Variants in PRAC2 observed in about 807,000 individuals in gnomAD.
PRAC2 encodes the protein protein PRAC2.
For missense variants in PRAC2, 92 were observed against 114.5 expected, an observed-to-expected ratio of 0.80 and a Z score of 0.90; for synonymous variants, 43 against 49.5, an observed-to-expected ratio of 0.87 and a Z score of 0.55.
upstream of PRAC2, among the ~76,000 whole-genome samples, chr17:48,720,859 G>A (rs1232566329): frequency 6.6e-6 from 1 of 152,200 alleles, no homozygotes; most frequent in Non-Finnish European, 1.5e-5. Context: ...TGTCTGAAGG[G>A]CCTTGCAGGG....
chr17:48,722,284 G>C, upstream of PRAC2: 2 of 1,570,432 alleles, frequency 1.3e-6, no homozygotes, highest in South Asian at 1.1e-5. Flanking sequence ...TGAGCGATCC[G>C]TCGATAACGC....
chr17:48,723,939 T>C (rs901128538), intron 1 of PRAC2, among the ~76,000 whole-genome samples: 2 of 152,194 alleles, frequency 1.3e-5, no homozygotes, highest in Non-Finnish European at 2.9e-5. Flanking sequence ...AGTTTGGCTC[T>C]GAGGGAGGGG....
intron 1 of PRAC2, 39 bp from the exon 2 acceptor site, chr17:48,724,289 G>A (rs2038179071): frequency 1.6e-5 from 18 of 1,127,160 alleles, no homozygotes; most frequent in Non-Finnish European, 1.9e-5. Context: ...CCCAATGAAA[G>A]CGTTTAATAC....
At chr17:48,718,823 C>A (rs1323439973), upstream of PRAC2, among the ~76,000 whole-genome samples, 1 of 152,164 alleles carries the variant, frequency 6.6e-6, no homozygotes, top group Non-Finnish European at 1.5e-5. Context: ...AGGTAAAAGG[C>A]AAATTGGTGG....
intron 1 of PRAC2, 129 bp downstream of exon 1, chr17:48,723,442 C>G (rs1045656007): frequency 1.1e-5 from 4 of 360,404 alleles, no homozygotes; most frequent in Non-Finnish European, 2.0e-5. Context: ...TTAGCACCTT[C>G]AATATAACTT....
At chr17:48,720,167 G>A (rs920110903), upstream of PRAC2, among the ~76,000 whole-genome samples, 1 of 152,222 alleles carries the variant, frequency 6.6e-6, no homozygotes, top group Admixed American at 6.5e-5. Flanking sequence ...GGAGTTTGGC[G>A]AGTAGTGCGG....
At chr17:48,723,356 T>G in intron 1 of PRAC2, 43 bp downstream of exon 1, 2 of 244,764 alleles carry the variant, frequency 8.2e-6, no homozygotes, top group Non-Finnish European at 7.7e-6. Context: ...AGCTCGGGGA[T>G]TTCTATTAGA....
At chr17:48,723,722 C>T in intron 1 of PRAC2, 2 of 1,231,752 alleles carry the variant, frequency 1.6e-6, no homozygotes, top group South Asian at 8.2e-5. Flanking sequence ...CTCAGGTTCG[C>T]GCTCTGCGTT....
chr17:48,721,781 C>A, upstream of PRAC2: 1 of 1,514,652 alleles, frequency 6.6e-7, no homozygotes, highest in South Asian at 1.3e-5. Context: ...ATTGCCCAGG[C>A]TGGTCTGGAA....
chr17:48,720,868 G>A (rs991429820), upstream of PRAC2, among the ~76,000 whole-genome samples: 2 of 152,180 alleles, frequency 1.3e-5, no homozygotes, highest in Non-Finnish European at 2.9e-5. Flanking sequence ...GGCCTTGCAG[G>A]GAGAGGTATG....
upstream of PRAC2, among the ~76,000 whole-genome samples, chr17:48,719,834 G>A (rs922944195): frequency 3.3e-5 from 5 of 152,130 alleles, no homozygotes; most frequent in African/African-American, 1.2e-4. Flanking sequence ...GAAGCTCTTT[G>A]ATAAAGCCGC....
rs575018161 is a variant in PRAC2, at chr17:48,724,290, C to T, written c.-83-38C>T. 133 of 1,130,306 alleles carry T rather than the reference C, an allele frequency of 1.2e-4. No homozygotes were observed. In the African/African-American group the frequency reaches 1.9e-3, roughly 16 times the overall value. 70.0% of individuals were successfully genotyped at this position (1,130,306 alleles called of 1,614,324 possible). ...ATTGGGAAGGGATTCCCAATGAAAGCGTTTAATACAAAACGAAATTAAATA... is the reference window on the plus strand; with the variant it reads ...ATTGGGAAGGGATTCCCAATGAAAGTGTTTAATACAAAACGAAATTAAATA... On this transcript the variant is annotated intron_variant, in intron 1 of 1. Coordinates refer to ENST00000422730, the MANE Select transcript of PRAC2 (RefSeq NM_001282275.2).
chr17:48,719,890 C>T (rs1342750107), upstream of PRAC2, among the ~76,000 whole-genome samples: 1 of 152,186 alleles, frequency 6.6e-6, no homozygotes, highest in Admixed American at 6.5e-5. Flanking sequence ...CAGCCCCCTC[C>T]GCCCTTCCCC....
At chr17:48,724,270 G>C in intron 1 of PRAC2, 58 bp from the exon 2 acceptor site, 2 of 985,250 alleles carry the variant, frequency 2.0e-6, no homozygotes, top group Non-Finnish European at 1.3e-6. Flanking sequence ...CTAAAATTGG[G>C]AAGGGATTCC....
At chr17:48,719,353 C>G (rs951247148), upstream of PRAC2, among the ~76,000 whole-genome samples, 9 of 152,154 alleles carry the variant, frequency 5.9e-5, no homozygotes, top group African/African-American at 2.2e-4. Flanking sequence ...GCTCTCCAGG[C>G]CGCTATTTCC....
At chr17:48,722,501 T>C (rs2038156974), upstream of PRAC2, 3 of 914,844 alleles carry the variant, frequency 3.3e-6, no homozygotes, top group Non-Finnish European at 3.6e-6. Flanking sequence ...TTGCACGCCT[T>C]AGGCTAGGAG....
intron 1 of PRAC2, chr17:48,723,904 AG>A: frequency 1.5e-6 from 1 of 647,338 alleles, no homozygotes; most frequent in Non-Finnish European, 2.2e-6. Flanking sequence ...CCCATTTCGT[AG>A]CTTGCTGAGA....
chr17:48,721,782 T>A, upstream of PRAC2: 1 of 1,516,060 alleles, frequency 6.6e-7, no homozygotes, highest in Non-Finnish European at 8.8e-7. Flanking sequence ...TTGCCCAGGC[T>A]GGTCTGGAAC....
chr17:48,719,797 C>A (rs1318950688), upstream of PRAC2, among the ~76,000 whole-genome samples: 2 of 152,148 alleles, frequency 1.3e-5, no homozygotes, highest in Non-Finnish European at 2.9e-5. Context: ...GCAGGCCCGG[C>A]GGGTGTTCCC....
Sources: allele counts gnomAD v4.1 joint callset (sites outside exome capture counted in the v4.1 genomes callset), GRCh38; gene constraint gnomAD v4.1.1; transcripts MANE v1.5; gene names NCBI Gene and HGNC (gene_info 2026-07-23, HGNC 2026-07-21).